The following IL1RAPL1 variants were observed in gnomAD, a reference collection of about 807,000 sequenced individuals.
IL1RAPL1 encodes the protein interleukin-1 receptor accessory protein-like 1.
IL1RAPL1 carries 3 observed loss-of-function variants against 48.4 expected under a neutral mutation model. That is an observed-to-expected ratio of 0.06 (90% CI 0.03 to 0.16). The LOEUF is 0.16. IL1RAPL1 is among the 10% of genes least tolerant of loss of function. The probability of loss-of-function intolerance (pLI) is 1.00; values close to 1 mark genes in which losing one functional copy is unlikely to be tolerated. For missense variants in IL1RAPL1, 349 were observed against 530.6 expected (o/e 0.66, Z 3.36); for synonymous variants, 185 against 187.7 (o/e 0.99, Z 0.12).
intron 5 of IL1RAPL1, among the ~76,000 whole-genome samples, chrX:29,655,543 G>C (rs1403823663): frequency 9.3e-6 from 1 of 107,061 alleles, no homozygotes; most frequent in African/African-American, 3.4e-5. Flanking sequence ...GGCGCCTGTA[G>C]TCCCAGCTAC....
At chrX:29,752,994 C>T (rs1235344683) in intron 6 of IL1RAPL1, among the ~76,000 whole-genome samples, 1 of 111,460 alleles carries the variant, frequency 9.0e-6, no homozygotes, top group African/African-American at 3.3e-5. Context: ...TAAAATGAGA[C>T]TCCATAAAGA....
At chrX:29,286,984 A>G in intron 3 of IL1RAPL1, among the ~76,000 whole-genome samples, 1 of 111,044 alleles carries the variant, frequency 9.0e-6, no homozygotes, top group Non-Finnish European at 1.9e-5. Flanking sequence ...AAACTGTGGT[A>G]CAATATCATA....
chrX:29,636,273 T>C (rs1294965624), intron 5 of IL1RAPL1, among the ~76,000 whole-genome samples: 1 of 111,851 alleles, frequency 8.9e-6, no homozygotes, highest in African/African-American at 3.2e-5. Context: ...GAAGATAAAA[T>C]CCAATTATGA....
chrX:29,342,575 A>G (rs1206866025), intron 3 of IL1RAPL1, among the ~76,000 whole-genome samples: 1 of 112,148 alleles, frequency 8.9e-6, no homozygotes, highest in Non-Finnish European at 1.9e-5. Context: ...GTCATTAGTG[A>G]TGCGTTTGGG....
chrX:29,095,117 C>A (rs1928186439), intron 2 of IL1RAPL1, among the ~76,000 whole-genome samples: 1 of 110,864 alleles, frequency 9.0e-6, no homozygotes, highest in Non-Finnish European at 1.9e-5. Context: ...TATGGAAATT[C>A]ATATATTTTG....
intron 3 of IL1RAPL1, among the ~76,000 whole-genome samples, chrX:29,355,738 T>C (rs1276068975): frequency 6.2e-5 from 7 of 112,244 alleles, no homozygotes; most frequent in Admixed American, 3.8e-4. Context: ...TAAATAATTT[T>C]TGTATTAAAA....
chrX:28,619,247 A>C (rs974035516), intron 1 of IL1RAPL1, among the ~76,000 whole-genome samples: 1 of 111,215 alleles, frequency 9.0e-6, no homozygotes, highest in Admixed American at 9.6e-5. Context: ...GTCAACTCTT[A>C]TCTCTTTTAA....
chrX:28,810,784 A>T (rs1306399762), intron 2 of IL1RAPL1, among the ~76,000 whole-genome samples: 1 of 110,242 alleles, frequency 9.1e-6, no homozygotes, highest in Non-Finnish European at 1.9e-5. Context: ...TTTGCTTCAC[A>T]ACCCCATATT....
At chrX:28,795,906 C>T (rs934236621) in intron 2 of IL1RAPL1, among the ~76,000 whole-genome samples, 1 of 111,026 alleles carries the variant, frequency 9.0e-6, no homozygotes, top group Non-Finnish European at 1.9e-5. Flanking sequence ...TTTCATGCTG[C>T]TGATAAAGAC....
chrX:29,698,141 A>G lies in IL1RAPL1; in HGVS notation c.778+29637A>G, dbSNP rs143203848. ...CAAACTTTTCCCAACTAAAGCTTTC[A>G]CACATGGTCTTTACTATTTCTGGAA... is the stretch of plus-strand genomic sequence containing the variant. On this transcript the variant is annotated intron_variant, in intron 6 of 10. Transcript: ENST00000378993. Among the ~76,000 whole-genome samples, 771 of 108,082 alleles carry G rather than the reference A, an allele frequency of 7.1e-3. 5 individuals carry two copies. The highest frequency in any genetic ancestry group is 0.012 in the Non-Finnish European group (616 of 52,320). 93.9% of individuals were successfully genotyped at this position (108,082 alleles called of 115,157 possible).
intron 1 of IL1RAPL1, among the ~76,000 whole-genome samples, chrX:28,696,573 G>A (rs764997213): frequency 9.0e-6 from 1 of 111,353 alleles, no homozygotes; most frequent in South Asian, 3.7e-4. Context: ...TTCAGGTGAT[G>A]GATATTCCAA....
chrX:29,168,343 C>T (rs1232918479), intron 2 of IL1RAPL1, among the ~76,000 whole-genome samples: 5 of 106,478 alleles, frequency 4.7e-5, no homozygotes. Context: ...CAAGAACCCC[C>T]TCCCACATAC....
intron 3 of IL1RAPL1, among the ~76,000 whole-genome samples, chrX:29,298,035 A>G (rs893959956): frequency 2.7e-5 from 3 of 112,159 alleles, no homozygotes; most frequent in Non-Finnish European, 3.8e-5. Context: ...CAAGACTACT[A>G]TTTCTGTTAC....
intron 2 of IL1RAPL1, among the ~76,000 whole-genome samples, chrX:29,198,255 C>T (rs921043440): frequency 2.7e-5 from 3 of 110,119 alleles, no homozygotes; most frequent in Non-Finnish European, 5.7e-5. Context: ...AGGAAGATGC[C>T]GCTAGATTTG....
chrX:29,745,529 C>T (rs1474463399), intron 6 of IL1RAPL1, among the ~76,000 whole-genome samples: 2 of 98,357 alleles, frequency 2.0e-5, no homozygotes, highest in East Asian at 3.4e-4. Context: ...TCACTGCAAC[C>T]TCCACCTCCT....
chrX:28,747,757 A>G (rs1468394223), intron 1 of IL1RAPL1, among the ~76,000 whole-genome samples: 3 of 112,221 alleles, frequency 2.7e-5, no homozygotes, highest in Non-Finnish European at 5.6e-5. Flanking sequence ...TTTGTCTTTC[A>G]TGTTCTGTAT....
chrX:28,823,856 CCTTAA>C (rs931345682), intron 2 of IL1RAPL1, among the ~76,000 whole-genome samples: 4 of 111,183 alleles, frequency 3.6e-5, no homozygotes, highest in African/African-American at 1.3e-4. Flanking sequence ...ATCTCAAGTT[CCTTAA>C]CTTAATCACA....
At chrX:29,603,745 G>A (rs975625933) in intron 5 of IL1RAPL1, among the ~76,000 whole-genome samples, 1 of 111,664 alleles carries the variant, frequency 9.0e-6, no homozygotes, top group African/African-American at 3.3e-5. Flanking sequence ...TAATGGAAAT[G>A]TTTCCAAACA....
intron 3 of IL1RAPL1, among the ~76,000 whole-genome samples, chrX:29,333,837 C>T (rs1602177602): frequency 1.1e-5 from 1 of 87,404 alleles, no homozygotes; most frequent in East Asian, 4.1e-4. Flanking sequence ...GGCGGCTGGC[C>T]GGGCAGAGGG....
Sources: allele counts gnomAD v4.1 joint callset (sites outside exome capture counted in the v4.1 genomes callset), GRCh38; gene constraint gnomAD v4.1.1; transcripts MANE v1.5; gene names NCBI Gene and HGNC (gene_info 2026-07-23, HGNC 2026-07-21).